DYNC1I1: variants seen among roughly 807,000 people sequenced by gnomAD.
DYNC1I1 encodes the protein dynein cytoplasmic 1 intermediate chain 1.
In DYNC1I1, 43 loss-of-function variants were observed where a neutral mutation model predicts 86.6. The ratio of observed to expected loss-of-function variants is 0.50; its 90% CI spans 0.39 to 0.64. The LOEUF (loss-of-function observed/expected upper bound fraction) is 0.64. DYNC1I1 is among the 30% of genes least tolerant of loss of function. DYNC1I1 has a pLI of 0.00. For synonymous variants in DYNC1I1, 262 were observed against 283.7 expected (o/e 0.92, Z 0.77); for missense variants, 604 against 788.8 (o/e 0.77, Z 2.81).
chr7:95,838,289 GA>G (rs1429416287), intron 5 of DYNC1I1, among the ~76,000 whole-genome samples: 1 of 152,082 alleles, frequency 6.6e-6, no homozygotes, highest in East Asian at 1.9e-4. Flanking sequence ...ACCGTGAATT[GA>G]AGAGACTATC....
At chr7:95,998,034 T>G (rs559060172) in intron 10 of DYNC1I1, among the ~76,000 whole-genome samples, 2 of 152,338 alleles carry the variant, frequency 1.3e-5, no homozygotes, top group Admixed American at 6.5e-5. Flanking sequence ...TAAAGGCAAT[T>G]TGGTTACCTT....
intron 14 of DYNC1I1, among the ~76,000 whole-genome samples, chr7:96,072,189 A>T (rs151119844): frequency 3.9e-5 from 6 of 152,214 alleles, no homozygotes; most frequent in Non-Finnish European, 8.8e-5. Context: ...CTGGGAGGTG[A>T]CCGGTAGCCC....
At chr7:95,889,940 A>G (rs1790692647) in intron 6 of DYNC1I1, among the ~76,000 whole-genome samples, 1 of 152,238 alleles carries the variant, frequency 6.6e-6, no homozygotes, top group African/African-American at 2.4e-5. Context: ...AAGGTCAAAA[A>G]CTAACAGATG....
chr7:95,826,351 G>T (rs1172157603), intron 4 of DYNC1I1, among the ~76,000 whole-genome samples: 1 of 152,120 alleles, frequency 6.6e-6, no homozygotes, highest in African/African-American at 2.4e-5. Context: ...CTGTCAAATA[G>T]GTCGGGCATT....
At chr7:96,033,053 A>C (rs1794849348) in intron 12 of DYNC1I1, among the ~76,000 whole-genome samples, 1 of 152,224 alleles carries the variant, frequency 6.6e-6, no homozygotes, top group Non-Finnish European at 1.5e-5. Context: ...GTAATTATGG[A>C]AGTTGCCTAT....
chr7:95,786,108 C>T (rs1421401648), intron 1 of DYNC1I1, among the ~76,000 whole-genome samples: 1 of 151,908 alleles, frequency 6.6e-6, no homozygotes, highest in African/African-American at 2.4e-5. Context: ...AAATAACTTT[C>T]TTCTGAAGCA....
intron 1 of DYNC1I1, among the ~76,000 whole-genome samples, chr7:95,782,903 G>C (rs1049325880): frequency 7.9e-5 from 12 of 152,138 alleles, no homozygotes; most frequent in African/African-American, 2.9e-4. Context: ...AACTCCTCTC[G>C]ATGTTCAGAT....
chr7:95,983,011 A>G (rs1793493669), intron 7 of DYNC1I1, among the ~76,000 whole-genome samples: 1 of 152,174 alleles, frequency 6.6e-6, no homozygotes, highest in African/African-American at 2.4e-5. Context: ...TCCCCATTTC[A>G]TAGATAAAAC....
chr7:95,990,949 G>C (rs1206447989), intron 9 of DYNC1I1, among the ~76,000 whole-genome samples: 2 of 152,066 alleles, frequency 1.3e-5, no homozygotes, highest in African/African-American at 4.8e-5. Context: ...AGGATTGCTT[G>C]AGCCTGGAGG....
At chr7:95,826,404 T>G (rs1393191429) in intron 4 of DYNC1I1, among the ~76,000 whole-genome samples, 11 of 152,198 alleles carry the variant, frequency 7.2e-5, no homozygotes, top group Non-Finnish European at 1.6e-4. Context: ...ATTGTGGCAG[T>G]AGTAAAAGCA....
chr7:95,901,563 A>G (rs1309460488), intron 6 of DYNC1I1, among the ~76,000 whole-genome samples: 2 of 152,038 alleles, frequency 1.3e-5, no homozygotes, highest in Non-Finnish European at 2.9e-5. Flanking sequence ...CTCCTCTCCA[A>G]CCCAAGTGTG....
Position 96,098,094 on chromosome 7 carries a change from T to A in DYNC1I1, c.*501T>A. 1.0e-6 allele frequency: 1 copy of A among 987,368 alleles called. No homozygotes were observed. Among genetic ancestry groups the A allele is most frequent in the African/African-American group, 1.7e-5 (1 of 57,382 alleles). 61.2% of individuals were successfully genotyped at this position (987,368 alleles called of 1,614,324 possible). ...TTGCTGCTCCTTATTTATTGTAGTG[T>A]GCTGCATGGAACGTATTTATTTGAA... On this transcript the variant is annotated 3_prime_UTR_variant, in exon 17 of 17. Coordinates refer to ENST00000447467, the MANE Select transcript of DYNC1I1 (RefSeq NM_001135556.2).
In DYNC1I1 at chr7:95,781,931, A is replaced by G. The variant is rs1313171471; in HGVS notation, c.-10+9158A>G. On this transcript the variant is annotated intron_variant, in intron 1 of 16. Transcript: ENST00000447467. ...CCGACTCATTGGAGTGAATTTGATCAGGCTAGGCTGTGTCATGATGCAACA... is the reference window on the plus strand; with the variant it reads ...CCGACTCATTGGAGTGAATTTGATCGGGCTAGGCTGTGTCATGATGCAACA... Among the ~76,000 whole-genome samples the G allele has an allele frequency of 3.1e-4, 47 of 152,204 alleles. 1 individual carries two copies. The highest frequency in any genetic ancestry group is 3.1e-3 in the Admixed American group (47 of 15,274).
At chr7:95,916,430 T>A (rs1791468874) in intron 6 of DYNC1I1, among the ~76,000 whole-genome samples, 1 of 152,196 alleles carries the variant, frequency 6.6e-6, no homozygotes, top group African/African-American at 2.4e-5. Context: ...TTTGAACAGT[T>A]TCCTCTAAAG....
intron 1 of DYNC1I1, among the ~76,000 whole-genome samples, chr7:95,779,067 A>G (rs983235): frequency 0.49 from 74,939 of 151,912 alleles, 18,796 homozygotes; most frequent in Middle Eastern, 0.7. Context: ...AATTGGGGAA[A>G]AGGGCTGGCA....
At chr7:95,854,269 A>G (rs184579993) in intron 5 of DYNC1I1, among the ~76,000 whole-genome samples, 1 of 152,094 alleles carries the variant, frequency 6.6e-6, no homozygotes, top group Admixed American at 6.6e-5. Context: ...CTCTGGTGGT[A>G]TGTTTTTATT....
chr7:95,826,536 G>A (rs4729210), intron 4 of DYNC1I1, among the ~76,000 whole-genome samples: 14,553 of 152,156 alleles, frequency 0.096, 740 homozygotes, highest in South Asian at 0.14. Context: ...ACATATGCGC[G>A]ATACAGTTCT....
At chr7:95,782,024 G>T (rs573202123) in intron 1 of DYNC1I1, among the ~76,000 whole-genome samples, 1 of 152,188 alleles carries the variant, frequency 6.6e-6, no homozygotes, top group African/African-American at 2.4e-5. Context: ...TACATGTCCA[G>T]TGTGGGTCAA....
chr7:95,805,205 T>C (rs1794674830), intron 2 of DYNC1I1, among the ~76,000 whole-genome samples: 1 of 152,198 alleles, frequency 6.6e-6, no homozygotes, highest in Non-Finnish European at 1.5e-5. Flanking sequence ...TTTGTGGGGT[T>C]GCACTTAGCA....
Sources: allele counts gnomAD v4.1 joint callset (sites outside exome capture counted in the v4.1 genomes callset), GRCh38; gene constraint gnomAD v4.1.1; transcripts MANE v1.5; gene names NCBI Gene and HGNC (gene_info 2026-07-23, HGNC 2026-07-21).